Variants in HNF4G observed in about 807,000 individuals in gnomAD.
HNF4G encodes the protein hepatocyte nuclear factor 4 gamma.
Under a neutral mutation model 50.9 loss-of-function variants are expected in HNF4G, and 21 were observed. The observed-to-expected ratio is 0.41, with a 90% CI of 0.29 to 0.59. The LOEUF (loss-of-function observed/expected upper bound fraction) is 0.59, where lower values mean the gene tolerates loss of function less well. Ranked by LOEUF, HNF4G falls within the 20% of genes least tolerant of loss-of-function variation. The pLI, the probability that HNF4G is intolerant of heterozygous loss-of-function variation, is 0.26. For synonymous variants in HNF4G, 198 were observed against 185.6 expected (o/e 1.07, Z -0.54); for missense variants, 527 against 559.4 (o/e 0.94, Z 0.58).
chr8:75,417,332 G>A (rs1810666070), intron 1 of HNF4G, among the ~76,000 whole-genome samples: 1 of 152,202 alleles, frequency 6.6e-6, no homozygotes, highest in Non-Finnish European at 1.5e-5. Flanking sequence ...GTTTATGTGT[G>A]CTAGATACTA....
At chr8:75,483,254 AT>A (rs11378664) in intron 1 of HNF4G, among the ~76,000 whole-genome samples, 2 of 151,000 alleles carry the variant, frequency 1.3e-5, no homozygotes, top group Non-Finnish European at 3.0e-5. Context: ...AAGTCACTTA[AT>A]TTTTTTTTTA....
intron 2 of HNF4G, among the ~76,000 whole-genome samples, chr8:75,546,503 TCCC>T (rs1390017208): frequency 6.6e-6 from 1 of 152,030 alleles, no homozygotes; most frequent in Non-Finnish European, 1.5e-5. Context: ...TAGTAGTTAC[TCCC>T]CCATTTCCTC....
At chr8:75,558,774 A>G in intron 7 of HNF4G, 27 bp from the exon 8 acceptor site, 1 of 1,595,366 alleles carries the variant, frequency 6.3e-7, no homozygotes, top group Non-Finnish European at 8.6e-7. Context: ...TTAAATCTGT[A>G]CACTGCCTCT....
chr8:75,555,000 C>G (rs966873335), intron 5 of HNF4G, among the ~76,000 whole-genome samples: 3 of 152,258 alleles, frequency 2.0e-5, no homozygotes, highest in African/African-American at 7.2e-5. Flanking sequence ...AGGGGTGTTG[C>G]AAGATGAAGT....
intron 9 of HNF4G, 75 bp from the exon 10 acceptor site, chr8:75,563,898 TTG>T: frequency 6.7e-7 from 1 of 1,485,422 alleles, no homozygotes; most frequent in South Asian, 1.2e-5. Flanking sequence ...CTAATGTGTA[TTG>T]GTGTTATGTA....
chr8:75,500,028 A>T (rs1438530190), intron 2 of HNF4G, among the ~76,000 whole-genome samples: 1 of 152,148 alleles, frequency 6.6e-6, no homozygotes, highest in Non-Finnish European at 1.5e-5. Flanking sequence ...AATAAATTAG[A>T]CTTCACCAAA....
intron 1 of HNF4G, among the ~76,000 whole-genome samples, chr8:75,474,227 T>C (rs1046400308): frequency 6.6e-6 from 1 of 152,214 alleles, no homozygotes; most frequent in African/African-American, 2.4e-5. Context: ...TGCTTCTTTC[T>C]TTAATTTGAA....
intron 1 of HNF4G, among the ~76,000 whole-genome samples, chr8:75,411,801 G>A (rs763402634): frequency 2.6e-5 from 4 of 152,164 alleles, no homozygotes; most frequent in African/African-American, 7.2e-5. Flanking sequence ...AGGGAGGGGT[G>A]CTTGGGCAAC....
intron 2 of HNF4G, among the ~76,000 whole-genome samples, chr8:75,525,609 AT>A (rs1806156175): frequency 6.6e-6 from 1 of 152,114 alleles, no homozygotes; most frequent in Non-Finnish European, 1.5e-5. Flanking sequence ...TTCACTTGTG[AT>A]TTTTTATTAA....
chr8:75,522,417 G>C (rs1806069009), intron 2 of HNF4G, among the ~76,000 whole-genome samples: 1 of 152,102 alleles, frequency 6.6e-6, no homozygotes. Context: ...CATCATTACA[G>C]TTTTCAAACA....
intron 1 of HNF4G, among the ~76,000 whole-genome samples, chr8:75,474,542 A>G (rs774914336): frequency 1.4e-4 from 22 of 152,176 alleles, no homozygotes; most frequent in Non-Finnish European, 2.8e-4. Context: ...AAAAGTTGAG[A>G]AAGTTAGAAA....
intron 2 of HNF4G, among the ~76,000 whole-genome samples, chr8:75,498,086 A>T (rs1407178274): frequency 2.0e-5 from 3 of 152,140 alleles, no homozygotes; most frequent in African/African-American, 7.2e-5. Flanking sequence ...GCTTAATGCA[A>T]GAGATACATA....
At chr8:75,451,115 T>C (rs1475447468) in intron 1 of HNF4G, among the ~76,000 whole-genome samples, 1 of 152,218 alleles carries the variant, frequency 6.6e-6, no homozygotes, top group Admixed American at 6.5e-5. Context: ...TATACTCCAT[T>C]GGCCATGTGT....
intron 2 of HNF4G, among the ~76,000 whole-genome samples, chr8:75,533,268 T>G (rs1418701403): frequency 6.6e-6 from 1 of 152,042 alleles, no homozygotes; most frequent in Non-Finnish European, 1.5e-5. Context: ...AGAACTTGCT[T>G]CTTAAAGCAG....
chr8:75,484,878 T>C (rs1812463423), intron 1 of HNF4G, among the ~76,000 whole-genome samples: 1 of 152,208 alleles, frequency 6.6e-6, no homozygotes, highest in South Asian at 2.1e-4. Context: ...AGAAACCATA[T>C]TTATTACATT....
intron 1 of HNF4G, among the ~76,000 whole-genome samples, chr8:75,419,092 C>T (rs74556464): frequency 0.019 from 2,911 of 152,180 alleles, 83 homozygotes; most frequent in African/African-American, 0.063. Flanking sequence ...CCACTATTTT[C>T]CCATCATGGC....
At chr8:75,450,058 T>C (rs1220669935) in intron 1 of HNF4G, among the ~76,000 whole-genome samples, 1 of 152,226 alleles carries the variant, frequency 6.6e-6, no homozygotes, top group East Asian at 1.9e-4. Flanking sequence ...GCTGTCTGTT[T>C]CTGTGAGTTT....
At chr8:75,513,041 C>T (rs1040694006) in intron 2 of HNF4G, among the ~76,000 whole-genome samples, 1 of 151,914 alleles carries the variant, frequency 6.6e-6, no homozygotes, top group Non-Finnish European at 1.5e-5. Context: ...TAGAGTTTTT[C>T]TGTTTTCTTT....
intron 1 of HNF4G, among the ~76,000 whole-genome samples, chr8:75,471,686 C>G (rs1812117896): frequency 6.6e-6 from 1 of 152,102 alleles, no homozygotes; most frequent in African/African-American, 2.4e-5. Flanking sequence ...AATATGAATT[C>G]AGATATTTAG....
Sources: gnomAD v4.1 joint callset for allele counts (sites outside exome capture counted in the v4.1 genomes callset) on GRCh38, gnomAD v4.1.1 for gene constraint, MANE v1.5 for transcripts, NCBI Gene and HGNC (gene_info 2026-07-23, HGNC 2026-07-21) for gene names.